DNAH9: variants seen among roughly 807,000 people sequenced by gnomAD.
DNAH9 encodes DNAH9 variant protein.
A neutral mutation model predicts 471.6 loss-of-function variants in DNAH9; 345 were observed. That is an observed-to-expected ratio of 0.73 (90% CI 0.67 to 0.80). The LOEUF (loss-of-function observed/expected upper bound fraction) is 0.80. Ranked by LOEUF, DNAH9 falls within the 30% of genes least tolerant of loss-of-function variation. DNAH9 has a pLI of 0.00. For synonymous variants in DNAH9, 2,093 were observed against 2,123.6 expected, an observed-to-expected ratio of 0.99 and a Z score of 0.40; for missense variants, 5,407 against 5,609.2, an observed-to-expected ratio of 0.96 and a Z score of 1.15.
intron 1 of DNAH9, among the ~76,000 whole-genome samples, chr17:11,606,443 C>CT (rs1404986645): frequency 0.38 from 25,468 of 67,070 alleles, 7,759 homozygotes; most frequent in Non-Finnish European, 0.44. Context: ...CTTTTCTTTT[C>CT]TTTTCTTTTC....
Position 11,932,324 on chromosome 17 carries a change from C to A in DNAH9, c.12297+119C>A. 9.5e-7 allele frequency: 1 copy of A among 1,050,678 alleles called. No individual in the cohort carries two copies. The highest frequency in any genetic ancestry group is 1.3e-6 in the Non-Finnish European group (1 of 741,446). The allele number at this position is 1,050,678 out of a possible 1,614,324, so 65.1% of individuals were successfully genotyped here. Reference sequence around the variant, plus strand: ...CCTGAGAATGTGCATTTCTAACAAGCTCCCTCGTGATGCAGATGCTGCTGA... The same window carrying A: ...CCTGAGAATGTGCATTTCTAACAAGATCCCTCGTGATGCAGATGCTGCTGA... On this transcript the variant is annotated intron_variant, in intron 64 of 68. Coordinates refer to ENST00000262442, the MANE Select transcript of DNAH9 (RefSeq NM_001372.4). This position sits in a 1 kb window ranked among gnomAD's most constrained non-coding sequence, Gnocchi z 4.3.
At chr17:11,755,264 C>T (rs983268940) in intron 33 of DNAH9, among the ~76,000 whole-genome samples, 14 of 152,128 alleles carry the variant, frequency 9.2e-5, no homozygotes, top group African/African-American at 3.1e-4. Context: ...ATGATGCCTC[C>T]AGCTTTGTTT....
chr17:11,629,748 T>C (rs2073032510), intron 7 of DNAH9, among the ~76,000 whole-genome samples, 164 bp downstream of exon 7: 1 of 152,224 alleles, frequency 6.6e-6, no homozygotes, highest in Admixed American at 6.5e-5. Flanking sequence ...TTATTATTCC[T>C]TGTGCCAAGA....
At position 11,769,296 on chromosome 17, in the gene DNAH9, T is replaced by C. The variant is rs767758365; in HGVS notation, c.7519T>C (p.Phe2507Leu). ...GGCATACCTGGTGAAAAACGTGCCATTCAACTACTACACCACGTCAGCAAT... is the reference window on the plus strand; with the variant it reads ...GGCATACCTGGTGAAAAACGTGCCACTCAACTACTACACCACGTCAGCAAT... ...PEAYLVKNVP[F>L]NYYTTSAMLQ... Residue 2507 changes from phenylalanine to leucine, a missense_variant, in exon 38 of 69, where the codon TTC becomes CTC. Around this residue, in one of 3 missense-constraint regions of DNAH9, gnomAD observed 4,636 missense variants for 4,900.3 expected, o/e 0.95. Coordinates refer to ENST00000262442, the MANE Select transcript of DNAH9 (RefSeq NM_001372.4). 5.6e-6 allele frequency: 9 copies of C among 1,613,644 alleles called. No individual in the cohort carries two copies. The highest frequency in any genetic ancestry group is 8.5e-7 in the Non-Finnish European group (1 of 1,179,922).
rs539021467 is a variant in DNAH9, at chr17:11,807,564, G to A, written c.8421-168G>A. On this transcript the variant is annotated intron_variant, in intron 43 of 68. Transcript: ENST00000262442. ...AAGCAATGGCAGCTTCAGTCAGCTC[G>A]GGCAAGAAGGTGAGGCCAGGTTTAG... 4.6e-5 allele frequency among the ~76,000 whole-genome samples: 7 copies of A among 152,244 alleles called. No homozygotes were observed. In the South Asian group the frequency reaches 6.2e-4, roughly 14 times the overall value.
intron 8 of DNAH9, 95 bp from the exon 9 acceptor site, chr17:11,636,539 G>A (rs1372906668): frequency 2.8e-5 from 24 of 871,084 alleles, no homozygotes; most frequent in Non-Finnish European, 4.2e-5. Context: ...TACATTGGTA[G>A]GCATATAAAG....
intron 49 of DNAH9, among the ~76,000 whole-genome samples, chr17:11,852,506 C>G (rs1971458795): frequency 6.6e-6 from 1 of 152,144 alleles, no homozygotes; most frequent in Admixed American, 6.5e-5. Flanking sequence ...CCAGTTTATG[C>G]CTGCCTGACC....
rs112124804 is a variant in DNAH9 at position 11,680,509 on chromosome 17, A to T, written c.3577-214A>T. ...AGGTTGAGAGCAAGAAGGTTAGTGT[A>T]GAGTGAGTGGTAGGTAATAGTTGAG... On this transcript the variant is annotated intron_variant, in intron 18 of 68. Coordinates refer to ENST00000262442, the MANE Select transcript of DNAH9 (RefSeq NM_001372.4). Among the ~76,000 whole-genome samples, 3,677 of 152,258 alleles carry T rather than the reference A, an allele frequency of 0.024. 150 individuals are homozygous for T. The highest frequency in any genetic ancestry group is 0.083 in the African/African-American group (3,437 of 41,542).
At chr17:11,790,624 T>TA (rs1219410384) in intron 41 of DNAH9, among the ~76,000 whole-genome samples, 3 of 151,948 alleles carry the variant, frequency 2.0e-5, no homozygotes, top group African/African-American at 7.2e-5. Flanking sequence ...CTGACAACAT[T>TA]GCCTTTTAAT....
At position 11,961,321 on chromosome 17, in the gene DNAH9, T is replaced by TA. The variant is rs906248183; in HGVS notation, c.12844-537dup. ...TAGAGTGAGACTCCGTCTCCAAAAA[T>TA]AAAAAAAAATAAAGATGGTGTTCAG... On this transcript the variant is annotated intron_variant, in intron 67 of 68. Coordinates refer to ENST00000262442, the MANE Select transcript of DNAH9 (RefSeq NM_001372.4). Among the ~76,000 whole-genome samples the TA allele has an allele frequency of 7.3e-5, 11 of 151,088 alleles. No homozygotes were observed. The South Asian group carries it at 8.4e-4, about 12-fold the overall frequency.
chr17:11,604,777 G>C (rs1160819205), intron 1 of DNAH9, among the ~76,000 whole-genome samples: 1 of 151,906 alleles, frequency 6.6e-6, no homozygotes, highest in Non-Finnish European at 1.5e-5. Flanking sequence ...ATGGAATCAG[G>C]CCATTTCTTA....
At chr17:11,747,418 C>T (rs2150843648) in intron 31 of DNAH9, 138 bp from the exon 32 acceptor site, 1 of 657,540 alleles carries the variant, frequency 1.5e-6, no homozygotes, top group Non-Finnish European at 2.7e-6. Flanking sequence ...TTCAGACCTC[C>T]TGACATCTTG....
chr17:11,640,401 T>A lies in DNAH9; in HGVS notation c.1901+17T>A. ...CACACACCCGTGAGTATTGTGTTCC[T>A]GAAAGACAGGCTTGTCTTGGGCTGC... On this transcript the variant is annotated intron_variant, in intron 10 of 68. Transcript: ENST00000262442. 6.6e-7 allele frequency: 1 copy of A among 1,521,882 alleles called. No homozygotes were observed. Among genetic ancestry groups the A allele is most frequent in the Non-Finnish European group, 9.1e-7 (1 of 1,096,204 alleles). 94.3% of individuals were successfully genotyped at this position (1,521,882 alleles called of 1,614,324 possible). A position where few individuals can be genotyped will look rare whatever the true frequency, so the allele number is the denominator to read the frequency against.
intron 61 of DNAH9, 123 bp from the exon 62 acceptor site, chr17:11,923,691 C>T (rs889615406): frequency 2.8e-5 from 34 of 1,207,618 alleles, no homozygotes; most frequent in African/African-American, 1.4e-4. Context: ...TATGAGGTTT[C>T]GGTTATAGAT....
Position 11,762,764 on chromosome 17 carries a change from TTTTTTG to T in DNAH9, c.6996-670_6996-665del, listed in dbSNP as rs1967741930. ...AAATTGCCTCTTTAGGTGCGTTTTT[TTTTTTG>T]TTTTTTTTTTTTTTTTTTTTTTTTT... is the stretch of plus-strand genomic sequence containing the variant. On this transcript the variant is annotated intron_variant, in intron 35 of 68. Coordinates refer to ENST00000262442, the MANE Select transcript of DNAH9 (RefSeq NM_001372.4). Among the ~76,000 whole-genome samples the T allele has an allele frequency of 4.2e-5, 4 of 94,578 alleles. 1 individual carries two copies. In the Admixed American group the frequency reaches 4.8e-4, roughly 11 times the overall value. 62.0% of individuals were successfully genotyped at this position (94,578 alleles called of 152,430 possible).
At chr17:11,750,151 G>A (rs1261152192) in intron 32 of DNAH9, among the ~76,000 whole-genome samples, 1 of 151,848 alleles carries the variant, frequency 6.6e-6, no homozygotes, top group Non-Finnish European at 1.5e-5. Flanking sequence ...TATGTTTAGG[G>A]GCCAGGCACA....
At position 11,669,073 on chromosome 17, in the gene DNAH9, C is replaced by T. The variant is rs770133676; in HGVS notation, c.2741C>T (p.Ala914Val). Residue 914 changes from alanine (A) to valine (V), a missense_variant, in exon 16 of 69, where the codon GCA (alanine) becomes GTA (valine). Physicochemically the swap from Ala to Val is moderately conservative, Grantham distance 64. Around this residue, in one of 3 missense-constraint regions of DNAH9, gnomAD observed 4,636 missense variants for 4,900.3 expected, o/e 0.95. Transcript: ENST00000262442. ...KYLLENTECK[A>V]GLTPIFEAQL... is the part of the protein sequence containing the mutation. ...TTTCTGTGTTTTTCAGAGTGTAAGG[C>T]AGGACTTACCCCAATATTTGAAGCA... is the stretch of plus-strand genomic sequence containing the variant. 21 of 1,610,842 alleles carry T rather than the reference C, an allele frequency of 1.3e-5. No individual in the cohort carries two copies. Among genetic ancestry groups the T allele is most frequent in the Non-Finnish European group, 1.5e-5 (18 of 1,177,914 alleles).
At chr17:11,898,585 C>T (rs976853666) in intron 59 of DNAH9, among the ~76,000 whole-genome samples, 1 of 152,116 alleles carries the variant, frequency 6.6e-6, no homozygotes, top group African/African-American at 2.4e-5. Context: ...ACACAATTCA[C>T]CCCATAACAA....
chr17:11,756,525 C>A, intron 33 of DNAH9, 43 bp from the exon 34 acceptor site: 1 of 1,157,088 alleles, frequency 8.6e-7, no homozygotes, highest in Non-Finnish European at 1.3e-6. Context: ...GGCAAGGCAC[C>A]TCCCTCCTTC....
Sources: allele counts gnomAD v4.1 joint callset (sites outside exome capture counted in the v4.1 genomes callset), GRCh38; gene constraint gnomAD v4.1.1; regional missense constraint gnomAD v4.1.1; non-coding constraint Gnocchi (gnomAD v3.1); transcripts MANE v1.5; gene names NCBI Gene and HGNC (gene_info 2026-07-23, HGNC 2026-07-21).